Variants in WDPCP observed in about 807,000 individuals in gnomAD.
The protein encoded by WDPCP is WD repeat containing planar cell polarity effector.
Under a neutral mutation model 93.1 loss-of-function variants are expected in WDPCP, and 71 were observed. The observed-to-expected ratio is 0.76, with a 90% CI of 0.63 to 0.93. WDPCP has a LOEUF of 0.93. WDPCP is among the 40% of genes least tolerant of loss of function. WDPCP has a pLI of 0.00. For synonymous variants in WDPCP, 315 were observed against 315.0 expected (o/e 1.00, Z 0.00); for missense variants, 844 against 887.4 (o/e 0.95, Z 0.62).
At chr2:63,382,143 A>G in intron 10 of WDPCP, 49 bp from the exon 11 acceptor site, 1 of 1,551,052 alleles carries the variant, frequency 6.4e-7, no homozygotes, top group East Asian at 2.4e-5. Context: ...ATAAAATAGA[A>G]TAACAAAAAG....
At chr2:63,351,619 G>A (rs1409140156) in intron 12 of WDPCP, among the ~76,000 whole-genome samples, 3 of 152,158 alleles carry the variant, frequency 2.0e-5, no homozygotes, top group African/African-American at 4.8e-5. Flanking sequence ...ATTTACAGAT[G>A]CATAGTATTC....
chr2:63,189,023 T>C (rs1674843917), intron 14 of WDPCP, among the ~76,000 whole-genome samples: 2 of 152,182 alleles, frequency 1.3e-5, no homozygotes, highest in South Asian at 4.1e-4. Context: ...TTTGGGGTTG[T>C]ATGTTTACTT....
intron 14 of WDPCP, among the ~76,000 whole-genome samples, chr2:63,252,672 A>G (rs1248424064): frequency 5.3e-5 from 8 of 152,158 alleles, no homozygotes. Flanking sequence ...CCCACTTACA[A>G]TATCAATACA....
chr2:63,147,603 A>T (rs533112342), intron 17 of WDPCP, among the ~76,000 whole-genome samples: 1 of 152,166 alleles, frequency 6.6e-6, no homozygotes, highest in Non-Finnish European at 1.5e-5. Flanking sequence ...AACATTCACG[A>T]TAGAATTCCA....
intron 17 of WDPCP, among the ~76,000 whole-genome samples, chr2:63,145,283 G>C (rs894455361): frequency 6.6e-6 from 1 of 151,954 alleles, no homozygotes; most frequent in Non-Finnish European, 1.5e-5. Context: ...TAGTAATATA[G>C]AGAGGGACCA....
chr2:63,780,080 C>T (rs910668676), intron 2 of WDPCP, among the ~76,000 whole-genome samples: 3 of 152,060 alleles, frequency 2.0e-5, no homozygotes, highest in African/African-American at 4.8e-5. Flanking sequence ...ACCTATAACC[C>T]CCTCACGGCT....
At chr2:63,741,489 C>T (rs1035278721) in intron 2 of WDPCP, among the ~76,000 whole-genome samples, 5 of 152,014 alleles carry the variant, frequency 3.3e-5, no homozygotes, top group African/African-American at 1.2e-4. Flanking sequence ...TTTCACTATG[C>T]TTAATGTTTA....
chr2:63,577,366 T>C (rs1227736632), intron 1 of WDPCP, among the ~76,000 whole-genome samples: 1 of 152,210 alleles, frequency 6.6e-6, no homozygotes, highest in Non-Finnish European at 1.5e-5. Context: ...ATTAAAGATA[T>C]GTTTCCTCTA....
At chr2:63,242,047 A>G (rs1679898305) in intron 14 of WDPCP, among the ~76,000 whole-genome samples, 1 of 152,236 alleles carries the variant, frequency 6.6e-6, no homozygotes, top group African/African-American at 2.4e-5. Context: ...ATATATGCAT[A>G]GAAAAAAGGG....
intron 17 of WDPCP, among the ~76,000 whole-genome samples, chr2:63,133,520 C>T (rs1269413442): frequency 1.3e-5 from 2 of 152,144 alleles, no homozygotes; most frequent in Non-Finnish European, 2.9e-5. Flanking sequence ...AGGGTGGGAC[C>T]AGGTGGAGGT....
chr2:63,189,472 T>C (rs1674878179), intron 14 of WDPCP, among the ~76,000 whole-genome samples: 1 of 152,234 alleles, frequency 6.6e-6, no homozygotes, highest in African/African-American at 2.4e-5. Context: ...ATGTTACAGG[T>C]GATTTGTCTC....
At chr2:63,145,465 G>A (rs913577787) in intron 17 of WDPCP, among the ~76,000 whole-genome samples, 6 of 152,112 alleles carry the variant, frequency 3.9e-5, no homozygotes, top group Non-Finnish European at 7.4e-5. Context: ...AGATCCCCAG[G>A]TCACTGGAGT....
At chr2:63,251,692 C>T (rs1215225411) in intron 14 of WDPCP, among the ~76,000 whole-genome samples, 1 of 151,510 alleles carries the variant, frequency 6.6e-6, no homozygotes, top group East Asian at 2.0e-4. Flanking sequence ...GGGGTTTCAC[C>T]GTGTTAGCCA....
At chr2:63,264,570 A>G (rs537843944) in intron 13 of WDPCP, among the ~76,000 whole-genome samples, 18 of 152,232 alleles carry the variant, frequency 1.2e-4, no homozygotes, top group Non-Finnish European at 1.0e-4. Context: ...ATTGGAGCCC[A>G]TGAATATATA....
intron 14 of WDPCP, among the ~76,000 whole-genome samples, chr2:63,210,160 A>C (rs534304239): frequency 1.3e-5 from 2 of 152,016 alleles, no homozygotes; most frequent in East Asian, 3.9e-4. Context: ...TATTTACAGA[A>C]TATACATATG....
At chr2:63,520,896 C>CA (rs3051721) in intron 1 of WDPCP, among the ~76,000 whole-genome samples, 77 of 99,634 alleles carry the variant, frequency 7.7e-4, no homozygotes, top group South Asian at 3.9e-3. Context: ...GACCCTATCT[C>CA]AAAAAAAAAA....
At chr2:63,592,533 A>G (rs1709219635), upstream of WDPCP, among the ~76,000 whole-genome samples, 1 of 152,032 alleles carries the variant, frequency 6.6e-6, no homozygotes, top group Non-Finnish European at 1.5e-5. Context: ...TTTTTAAGAG[A>G]CAGGGTTTCA....
At position 63,143,105 on chromosome 2, in the gene WDPCP, C is replaced by G. The variant is rs1671218813; in HGVS notation, c.2190+9809G>C. On this transcript the variant is annotated intron_variant, in intron 17 of 17. Transcript: ENST00000272321. ...TAGCGGGGACTACAGGCACATGTCA[C>G]CGCAGGTGCCTCTGTTTTTAGGATT... 1.3e-5 allele frequency among the ~76,000 whole-genome samples: 2 copies of G among 152,026 alleles called. 1 individual carries two copies. The highest frequency in any genetic ancestry group is 1.3e-4 in the Admixed American group (2 of 15,252).
intron 14 of WDPCP, among the ~76,000 whole-genome samples, chr2:63,221,460 G>A (rs1350543404): frequency 1.3e-5 from 2 of 152,132 alleles, no homozygotes; most frequent in Admixed American, 1.3e-4. Context: ...GAGCCATTTC[G>A]ATAAGCACAT....
Sources: gnomAD v4.1 joint callset for allele counts (sites outside exome capture counted in the v4.1 genomes callset) on GRCh38, gnomAD v4.1.1 for gene constraint, MANE v1.5 for transcripts, NCBI Gene and HGNC (gene_info 2026-07-23, HGNC 2026-07-21) for gene names.